ACTR3C: variants seen among roughly 807,000 people sequenced by gnomAD.
ACTR3C encodes actin-related protein 3C.
Under a neutral mutation model 26.3 loss-of-function variants are expected in ACTR3C, and 18 were observed. The observed-to-expected ratio is 0.68, with a 90% CI of 0.47 to 1.01. The LOEUF (loss-of-function observed/expected upper bound fraction) is 1.01, where lower values mean the gene tolerates loss of function less well. Ranked by LOEUF, ACTR3C falls within the 50% of genes least tolerant of loss-of-function variation. The pLI is 0.00. For synonymous variants in ACTR3C, 55 were observed against 94.5 expected (o/e 0.58, Z 2.42); for missense variants, 184 against 250.7 (o/e 0.73, Z 1.80).
chr7:150,322,663 C>A (rs1797661262), intron 1 of ACTR3C: 2 of 152,258 alleles, frequency 1.3e-5, no homozygotes, highest in South Asian at 4.1e-4. Context: ...AAATGGGTAA[C>A]CAGTAGCCCT....
chr7:149,948,811 C>T, the ACTR3C span, among the ~76,000 whole-genome samples: 1 of 151,946 alleles, frequency 6.6e-6, no homozygotes, highest in African/African-American at 2.4e-5. Flanking sequence ...AGGACACCTT[C>T]ACGGTCCGCT....
the ACTR3C span, among the ~76,000 whole-genome samples, chr7:150,082,934 C>CTTTTCTTTTTTTCT: frequency 6.7e-5 from 7 of 104,978 alleles, no homozygotes; most frequent in South Asian, 3.3e-4. Flanking sequence ...TCTTTTTTTT[C>CTTTTCTTTTTTTCT]TTTTTTTTTT....
chr7:150,157,068 T>A, the ACTR3C span, among the ~76,000 whole-genome samples: 1 of 145,244 alleles, frequency 6.9e-6, no homozygotes, highest in South Asian at 2.3e-4. Context: ...AAAAAACACG[T>A]GGACAAGGCT....
the ACTR3C span, among the ~76,000 whole-genome samples, chr7:150,160,261 C>G: frequency 6.6e-6 from 1 of 152,054 alleles, no homozygotes; most frequent in Admixed American, 6.6e-5. Flanking sequence ...CCGGAGGGGT[C>G]CTTCAGTTAA....
At chr7:149,930,085 C>CA in the ACTR3C span, among the ~76,000 whole-genome samples, 1 of 151,740 alleles carries the variant, frequency 6.6e-6, no homozygotes, top group African/African-American at 2.4e-5. Context: ...TCTTGAAAGA[C>CA]AAAAAAAGGT....
At chr7:149,922,970 C>CTTTTTGTTTTTTTTTTTTTTT in the ACTR3C span, among the ~76,000 whole-genome samples, 1 of 69,146 alleles carries the variant, frequency 1.4e-5, no homozygotes, top group Non-Finnish European at 2.5e-5. Context: ...AAATAAAAGG[C>CTTTTTGTTTTTTTTTTTTTTT]TTTTTTTTTT....
At chr7:150,040,138 C>T in the ACTR3C span, among the ~76,000 whole-genome samples, 1 of 147,754 alleles carries the variant, frequency 6.8e-6, no homozygotes, top group Non-Finnish European at 1.5e-5. Flanking sequence ...AAATGGGGGG[C>T]CTTTATATTC....
chr7:149,994,584 A>G, the ACTR3C span, among the ~76,000 whole-genome samples: 2 of 152,050 alleles, frequency 1.3e-5, no homozygotes, highest in Non-Finnish European at 2.9e-5. Flanking sequence ...CTGGGCAACA[A>G]GAGTGGAACT....
chr7:150,025,990 C>G, the ACTR3C span, among the ~76,000 whole-genome samples: 1 of 152,116 alleles, frequency 6.6e-6, no homozygotes, highest in African/African-American at 2.4e-5. Context: ...GTCACTCCAT[C>G]TCTCTTCATC....
At chr7:150,019,086 T>C in the ACTR3C span, among the ~76,000 whole-genome samples, 1 of 150,430 alleles carries the variant, frequency 6.6e-6, no homozygotes, top group African/African-American at 2.5e-5. Context: ...ACAACACAAC[T>C]ACTTTCAGCA....
At chr7:149,970,448 A>G in the ACTR3C span, among the ~76,000 whole-genome samples, 1 of 152,076 alleles carries the variant, frequency 6.6e-6, no homozygotes, top group Non-Finnish European at 1.5e-5. Flanking sequence ...AAAAACGACC[A>G]CCAAATTGTT....
At chr7:150,018,167 C>G in the ACTR3C span, among the ~76,000 whole-genome samples, 5 of 150,178 alleles carry the variant, frequency 3.3e-5, no homozygotes, top group Admixed American at 3.3e-4. Context: ...GAGTACAGTG[C>G]TGCGATCTCA....
the ACTR3C span, among the ~76,000 whole-genome samples, chr7:149,882,603 G>A: frequency 1.7e-4 from 26 of 152,228 alleles, no homozygotes; most frequent in Non-Finnish European, 3.2e-4. Flanking sequence ...GGTGAGGACC[G>A]TGTTCCTCCC....
chr7:149,890,186 T>TG, the ACTR3C span, among the ~76,000 whole-genome samples: 1 of 152,146 alleles, frequency 6.6e-6, no homozygotes. Context: ...ACAATGTACT[T>TG]GCATGAAAAA....
the ACTR3C span, among the ~76,000 whole-genome samples, chr7:149,962,014 T>C: frequency 6.6e-6 from 1 of 151,948 alleles, no homozygotes; most frequent in Non-Finnish European, 1.5e-5. Context: ...TCACCGGAAG[T>C]GTACACTCAC....
At chr7:150,190,090 T>C in the ACTR3C span, among the ~76,000 whole-genome samples, 350 of 152,344 alleles carry the variant, frequency 2.3e-3, no homozygotes, top group Admixed American at 4.6e-3. Flanking sequence ...TGTTGTTCTT[T>C]AGCTATTCTA....
the ACTR3C span, among the ~76,000 whole-genome samples, chr7:150,175,166 T>A: frequency 6.7e-6 from 1 of 148,198 alleles, no homozygotes; most frequent in Non-Finnish European, 1.5e-5. Flanking sequence ...AGTATGTGCA[T>A]GTGTCTGTGT....
At chr7:150,211,010 C>T in the ACTR3C span, among the ~76,000 whole-genome samples, 1 of 150,580 alleles carries the variant, frequency 6.6e-6, no homozygotes, top group Non-Finnish European at 1.5e-5. Context: ...ACTTAGCTGA[C>T]TTCAATAATT....
chr7:150,279,406 A>C (rs1447984991), intron 6 of ACTR3C, among the ~76,000 whole-genome samples: 1 of 152,246 alleles, frequency 6.6e-6, no homozygotes, highest in Non-Finnish European at 1.5e-5. Flanking sequence ...TATTCAATTC[A>C]AGCAATTTGT....
Sources: allele counts gnomAD v4.1 joint callset (sites outside exome capture counted in the v4.1 genomes callset), GRCh38; gene constraint gnomAD v4.1.1; transcripts MANE v1.5; gene names NCBI Gene and HGNC (gene_info 2026-07-23, HGNC 2026-07-21).